DLC1: variants seen among roughly 807,000 people sequenced by gnomAD.
The protein encoded by DLC1 is rho GTPase-activating protein 7.
In DLC1, 54 loss-of-function variants were observed where a neutral mutation model predicts 140.3. The ratio of observed to expected loss-of-function variants is 0.38; its 90% CI spans 0.31 to 0.48. The LOEUF (loss-of-function observed/expected upper bound fraction) is 0.48, where lower values mean the gene tolerates loss of function less well. DLC1 is among the 20% of genes least tolerant of loss of function. The pLI, the probability that DLC1 is intolerant of heterozygous loss-of-function variation, is 0.96. For missense variants in DLC1, 2,536 were observed against 1,907.0 expected (o/e 1.33, Z -6.14); for synonymous variants, 986 against 728.1 (o/e 1.35, Z -5.70).
chr8:13,519,991 G>A (rs1260465179), intron 1 of DLC1, among the ~76,000 whole-genome samples: 3 of 152,210 alleles, frequency 2.0e-5, no homozygotes, highest in Non-Finnish European at 2.9e-5. Flanking sequence ...TGGAGAGGAT[G>A]TGGAGAAATA....
chr8:13,124,811 G>C (rs765637706), intron 5 of DLC1, among the ~76,000 whole-genome samples: 3 of 152,102 alleles, frequency 2.0e-5, no homozygotes, highest in Non-Finnish European at 4.4e-5. Context: ...AGGGTTCCAT[G>C]CCCGCTGTTA....
At chr8:13,156,622 G>A (rs982058026) in intron 5 of DLC1, among the ~76,000 whole-genome samples, 1 of 152,202 alleles carries the variant, frequency 6.6e-6, no homozygotes, top group African/African-American at 2.4e-5. Context: ...TGGTTAGGGG[G>A]AGGAAAGGGT....
chr8:13,298,627 C>G (rs967019510), intron 5 of DLC1, among the ~76,000 whole-genome samples: 2 of 152,070 alleles, frequency 1.3e-5, no homozygotes, highest in Non-Finnish European at 2.9e-5. Context: ...AAAGACGTAG[C>G]TTTTTAGGAG....
intron 2 of DLC1, among the ~76,000 whole-genome samples, chr8:13,465,569 T>G (rs1294093630): frequency 6.6e-6 from 1 of 152,176 alleles, no homozygotes; most frequent in African/African-American, 2.4e-5. Flanking sequence ...TTTTGCCCGT[T>G]CTTCTTCTGG....
At chr8:13,217,346 A>G (rs895182510) in intron 5 of DLC1, among the ~76,000 whole-genome samples, 1 of 152,140 alleles carries the variant, frequency 6.6e-6, no homozygotes, top group Non-Finnish European at 1.5e-5. Context: ...AATATCAACA[A>G]TTCATGAAGG....
At chr8:13,270,374 T>G (rs1830881153) in intron 5 of DLC1, among the ~76,000 whole-genome samples, 2 of 152,204 alleles carry the variant, frequency 1.3e-5, no homozygotes, top group Admixed American at 1.3e-4. Context: ...GAAACATCCC[T>G]TTCAAGTGGC....
chr8:13,239,885 G>A (rs2117236400), intron 5 of DLC1, among the ~76,000 whole-genome samples: 1 of 152,296 alleles, frequency 6.6e-6, no homozygotes, highest in South Asian at 2.1e-4. Flanking sequence ...AGGAGGGAAA[G>A]CAGAATTTGG....
intron 5 of DLC1, among the ~76,000 whole-genome samples, chr8:13,165,732 TCTGGTGAAAAGGG>T (rs1335248273): frequency 1.3e-5 from 2 of 152,120 alleles, no homozygotes; most frequent in African/African-American, 2.4e-5. Context: ...ATTCCCCTAC[TCTGGTGAAAAGGG>T]CCGACCACAC....
intron 4 of DLC1, among the ~76,000 whole-genome samples, chr8:13,344,511 C>G (rs538703500): frequency 3.9e-5 from 6 of 152,132 alleles, no homozygotes; most frequent in Non-Finnish European, 7.4e-5. Flanking sequence ...CAAAACAAAA[C>G]AAAATACTTT....
intron 5 of DLC1, among the ~76,000 whole-genome samples, chr8:13,203,536 T>C (rs1827504207): frequency 6.6e-6 from 1 of 152,180 alleles, no homozygotes; most frequent in African/African-American, 2.4e-5. Context: ...AACCTGGAGA[T>C]TGTGCGCAAT....
intron 5 of DLC1, among the ~76,000 whole-genome samples, chr8:13,166,298 C>G (rs1825101994): frequency 6.6e-6 from 1 of 152,154 alleles, no homozygotes; most frequent in South Asian, 2.1e-4. Flanking sequence ...GGCTATGGAC[C>G]ATTAACTAAT....
chr8:13,507,046 C>T (rs1185809578), intron 1 of DLC1, among the ~76,000 whole-genome samples: 1 of 152,126 alleles, frequency 6.6e-6, no homozygotes, highest in Non-Finnish European at 1.5e-5. Context: ...TGGAAACAGA[C>T]ATGATCACAG....
rs936871110 is a variant in DLC1 at position 13,158,796 on chromosome 8, G to C, written c.1349-43139C>G. On this transcript the variant is annotated intron_variant, in intron 5 of 17. Coordinates refer to ENST00000276297, the MANE Select transcript of DLC1 (RefSeq NM_182643.3). ...TTTTTCCTCTGTCTTATTTTTCTTTGACACCTCTGCATCATAAGACAGGTT... is the reference window on the plus strand; with the variant it reads ...TTTTTCCTCTGTCTTATTTTTCTTTCACACCTCTGCATCATAAGACAGGTT... Among the ~76,000 whole-genome samples, 5 of 116,772 alleles carry C rather than the reference G, an allele frequency of 4.3e-5. No individual in the cohort carries two copies. The Admixed American group carries it at 5.0e-4, about 12-fold the overall frequency. 76.6% of individuals were successfully genotyped at this position (116,772 alleles called of 152,430 possible).
chr8:13,127,311 T>C (rs752483308), intron 5 of DLC1, among the ~76,000 whole-genome samples: 55 of 152,318 alleles, frequency 3.6e-4, no homozygotes, highest in Non-Finnish European at 6.9e-4. Flanking sequence ...GAGGTTCCAG[T>C]CAACTCACAT....
At chr8:13,468,374 C>T (rs1041695269) in intron 2 of DLC1, among the ~76,000 whole-genome samples, 4 of 136,228 alleles carry the variant, frequency 2.9e-5, no homozygotes, top group East Asian at 4.6e-4. Context: ...CTCCCCTCTC[C>T]TTTTCTGTCT....
intron 1 of DLC1, among the ~76,000 whole-genome samples, chr8:13,532,025 C>A (rs1585247497): frequency 6.6e-6 from 1 of 152,324 alleles, no homozygotes; most frequent in East Asian, 1.9e-4. Flanking sequence ...AAGCCTAAGT[C>A]TAGCTTATGA....
At chr8:13,521,295 C>T (rs186497898) in intron 1 of DLC1, among the ~76,000 whole-genome samples, 1 of 152,030 alleles carries the variant, frequency 6.6e-6, no homozygotes, top group East Asian at 1.9e-4. Flanking sequence ...AGCTAATGCA[C>T]GTGGGGCTTA....
At chr8:13,217,705 G>T (rs567564393) in intron 5 of DLC1, among the ~76,000 whole-genome samples, 1 of 151,990 alleles carries the variant, frequency 6.6e-6, no homozygotes, top group East Asian at 1.9e-4. Flanking sequence ...GGGCGTGGTG[G>T]TGGGCACCTG....
chr8:13,491,618 CTAA>C (rs1801247839), intron 2 of DLC1, among the ~76,000 whole-genome samples: 1 of 152,158 alleles, frequency 6.6e-6, no homozygotes, highest in Non-Finnish European at 1.5e-5. Flanking sequence ...TTGCTATTGA[CTAA>C]TTAGTTATGA....
Sources: gnomAD v4.1 joint callset for allele counts (sites outside exome capture counted in the v4.1 genomes callset) on GRCh38, gnomAD v4.1.1 for gene constraint, MANE v1.5 for transcripts, NCBI Gene and HGNC (gene_info 2026-07-23, HGNC 2026-07-21) for gene names.